Variants in ME1 observed in about 807,000 individuals in gnomAD.
ME1 encodes the protein malic enzyme 1, also known as NADP-dependent malic enzyme.
Under a neutral mutation model 66.4 loss-of-function variants are expected in ME1, and 74 were observed. The ratio of observed to expected loss-of-function variants is 1.11; its 90% CI spans 0.92 to 1.35. ME1 has a LOEUF of 1.35. Ranked by LOEUF, ME1 falls within the 40% of genes most tolerant of loss-of-function variation. The pLI is 0.00. For synonymous variants in ME1, 251 were observed against 235.6 expected (o/e 1.07, Z -0.60); for missense variants, 750 against 694.1 (o/e 1.08, Z -0.90).
chr6:83,293,681 A>AAATGAAG (rs1415101440), intron 6 of ME1, among the ~76,000 whole-genome samples: 1 of 152,172 alleles, frequency 6.6e-6, no homozygotes, highest in Non-Finnish European at 1.5e-5. Context: ...GAAAGGGGTG[A>AAATGAAG]AATGAAGTAA....
chr6:83,313,628 C>T (rs753942474), intron 6 of ME1, among the ~76,000 whole-genome samples: 5 of 152,090 alleles, frequency 3.3e-5, no homozygotes, highest in East Asian at 3.8e-4. Flanking sequence ...TATAGCCTTA[C>T]GGTATTATCT....
chr6:83,295,468 T>A (rs1457555857), intron 6 of ME1, among the ~76,000 whole-genome samples: 2 of 152,200 alleles, frequency 1.3e-5, no homozygotes, highest in Non-Finnish European at 2.9e-5. Flanking sequence ...GGAATGAAGA[T>A]CATTGAAAGT....
intron 1 of ME1, among the ~76,000 whole-genome samples, chr6:83,417,581 A>G: frequency 6.6e-6 from 1 of 151,214 alleles, no homozygotes; most frequent in East Asian, 2.0e-4. Context: ...GGGTTTCACC[A>G]TGTTGGCCAG....
chr6:83,304,576 A>G (rs1193445012), intron 6 of ME1, among the ~76,000 whole-genome samples: 1 of 152,226 alleles, frequency 6.6e-6, no homozygotes, highest in East Asian at 1.9e-4. Flanking sequence ...AGAATATGAT[A>G]TTATTTTCAT....
chr6:83,256,127 C>T (rs897586321), intron 6 of ME1, among the ~76,000 whole-genome samples: 2 of 152,058 alleles, frequency 1.3e-5, no homozygotes, highest in Non-Finnish European at 2.9e-5. Context: ...TCCTTACATA[C>T]CGTGCATCCT....
chr6:83,281,393 C>G (rs1305320997), intron 6 of ME1, among the ~76,000 whole-genome samples: 1 of 152,192 alleles, frequency 6.6e-6, no homozygotes, highest in East Asian at 1.9e-4. Flanking sequence ...GAGACATCAT[C>G]TCTGATAACT....
At chr6:83,236,846 C>T (rs1482099893) in intron 9 of ME1, among the ~76,000 whole-genome samples, 1 of 152,010 alleles carries the variant, frequency 6.6e-6, no homozygotes, top group African/African-American at 2.4e-5. Flanking sequence ...ATCACCAACT[C>T]TCAATAAAAA....
At chr6:83,284,311 T>A (rs1400669660) in intron 6 of ME1, among the ~76,000 whole-genome samples, 1 of 151,902 alleles carries the variant, frequency 6.6e-6, no homozygotes, top group Non-Finnish European at 1.5e-5. Flanking sequence ...CTACCAGATG[T>A]ACAAAGAAAA....
chr6:83,412,301 G>A (rs1389431238), intron 1 of ME1, among the ~76,000 whole-genome samples: 3 of 152,016 alleles, frequency 2.0e-5, no homozygotes, highest in Non-Finnish European at 4.4e-5. Context: ...ATACATGTAT[G>A]AAAATTCATT....
intron 6 of ME1, among the ~76,000 whole-genome samples, chr6:83,288,288 G>A (rs757308189): frequency 1.3e-5 from 2 of 152,150 alleles, no homozygotes; most frequent in African/African-American, 2.4e-5. Context: ...ACAGTCCTAG[G>A]TCTTACATTT....
chr6:83,334,598 C>G (rs1164799168), intron 5 of ME1, among the ~76,000 whole-genome samples: 9 of 13,038 alleles, frequency 6.9e-4, no homozygotes, highest in Non-Finnish European at 1.2e-3. Context: ...AGTGGTTCTC[C>G]CAGCACGCAG....
At chr6:83,324,151 C>T (rs1177184119) in intron 5 of ME1, among the ~76,000 whole-genome samples, 5 of 151,900 alleles carry the variant, frequency 3.3e-5, no homozygotes, top group Non-Finnish European at 7.4e-5. Context: ...AGAACAAAGA[C>T]ACAATGTGCC....
chr6:83,245,413 A>ATT (rs5877838), intron 7 of ME1, among the ~76,000 whole-genome samples: 17 of 151,178 alleles, frequency 1.1e-4, no homozygotes, highest in African/African-American at 3.6e-4. Context: ...AGGCAAAATA[A>ATT]TTTTTTTTTG....
intron 1 of ME1, among the ~76,000 whole-genome samples, chr6:83,426,052 C>T (rs1770365977): frequency 6.6e-6 from 1 of 152,192 alleles, no homozygotes; most frequent in Admixed American, 6.5e-5. Flanking sequence ...CTTGCTCCTT[C>T]TCACCCTCTA....
At chr6:83,396,082 T>C (rs1187635204) in intron 3 of ME1, among the ~76,000 whole-genome samples, 2 of 151,690 alleles carry the variant, frequency 1.3e-5, no homozygotes, top group Non-Finnish European at 1.5e-5. Context: ...CTACAAAGGG[T>C]GGGTGTGGTG....
At chr6:83,218,221 C>A (rs956268223) in intron 12 of ME1, among the ~76,000 whole-genome samples, 60 of 152,222 alleles carry the variant, frequency 3.9e-4, no homozygotes, top group African/African-American at 1.3e-3. Flanking sequence ...AGAATCAGCC[C>A]TGCCAACCCC....
intron 6 of ME1, among the ~76,000 whole-genome samples, chr6:83,295,681 A>G (rs931758179): frequency 6.6e-6 from 1 of 152,194 alleles, no homozygotes; most frequent in African/African-American, 2.4e-5. Flanking sequence ...ATCAGAGCTG[A>G]ACTGAAGGAG....
At chr6:83,219,060 T>C (rs1238594069) in intron 12 of ME1, among the ~76,000 whole-genome samples, 1 of 152,212 alleles carries the variant, frequency 6.6e-6, no homozygotes, top group South Asian at 2.1e-4. Flanking sequence ...CTGAAAGTTA[T>C]GGGCTCTTAC....
chr6:83,419,319 C>A (rs1770220954), intron 1 of ME1, among the ~76,000 whole-genome samples: 1 of 152,080 alleles, frequency 6.6e-6, no homozygotes, highest in South Asian at 2.1e-4. Flanking sequence ...TTTCAGACTA[C>A]CAGGCAAATC....
Sources: gnomAD v4.1 joint callset for allele counts (sites outside exome capture counted in the v4.1 genomes callset) on GRCh38, gnomAD v4.1.1 for gene constraint, MANE v1.5 for transcripts, NCBI Gene and HGNC (gene_info 2026-07-23, HGNC 2026-07-21) for gene names.